UNC5A: variants seen among roughly 807,000 people sequenced by gnomAD.
UNC5A encodes the protein unc-5 netrin receptor A.
In UNC5A, 20 loss-of-function variants were observed where a neutral mutation model predicts 87.4. The observed-to-expected ratio is 0.23, with a 90% CI of 0.16 to 0.33. UNC5A has a LOEUF of 0.33. UNC5A is among the 10% of genes least tolerant of loss of function. The pLI, the probability that UNC5A is intolerant of heterozygous loss-of-function variation, is 1.00. For missense variants in UNC5A, 844 were observed against 1,133.4 expected, an observed-to-expected ratio of 0.74 and a Z score of 3.67; for synonymous variants, 438 against 482.3, an observed-to-expected ratio of 0.91 and a Z score of 1.20.
Position 176,810,671 on chromosome 5 carries a change from G to T in UNC5A, c.-80G>T, listed in dbSNP as rs1348259753. ...GGGCCCCGGGGGCGCCCCGAGCTGG[G>T]GCTCCGGGCTGAGGCGCTAAAGCCG... On this transcript the variant is annotated 5_prime_UTR_variant, in exon 1 of 15. Coordinates refer to ENST00000329542, the MANE Select transcript of UNC5A (RefSeq NM_133369.3). The surrounding 1 kb of genome is among the most constrained non-coding windows in gnomAD (Gnocchi z 7.3). 4.2e-6 allele frequency: 2 copies of T among 481,748 alleles called. No homozygotes were observed. The highest frequency in any genetic ancestry group is 5.4e-6 in the Non-Finnish European group (2 of 369,188). The allele number at this position is 481,748 out of a possible 1,614,324, so 29.8% of individuals were successfully genotyped here.
chr5:176,876,298 C>G (rs1232383271), intron 8 of UNC5A, among the ~76,000 whole-genome samples: 1 of 152,238 alleles, frequency 6.6e-6, no homozygotes, highest in Non-Finnish European at 1.5e-5. Context: ...ACTCTGCCCT[C>G]TCCGGTGAAA....
chr5:176,859,073 G>T (rs894173506), intron 1 of UNC5A, among the ~76,000 whole-genome samples: 2 of 150,942 alleles, frequency 1.3e-5, no homozygotes, highest in Admixed American at 6.6e-5. Flanking sequence ...CCCCACCCAT[G>T]CCCTTGCTAG....
chr5:176,856,130 A>G (rs1757662513), intron 1 of UNC5A, among the ~76,000 whole-genome samples: 1 of 151,362 alleles, frequency 6.6e-6, no homozygotes, highest in Non-Finnish European at 1.5e-5. Flanking sequence ...CTCAGTATAT[A>G]TGGGTTCATT....
intron 1 of UNC5A, among the ~76,000 whole-genome samples, chr5:176,840,015 C>G (rs1472225980): frequency 6.6e-6 from 1 of 151,794 alleles, no homozygotes; most frequent in African/African-American, 2.4e-5. Context: ...CGCCACCACG[C>G]CCTGCTAATT....
In UNC5A at chr5:176,880,260, C is replaced by T. The variant is rs1240822810; in HGVS notation, c.*374C>T. ...GCACACACTGGGCCTGGGCCAGGGCCCCAGAGCTCCTGCCTGAGCTGGACC... is the reference window on the plus strand; with the variant it reads ...GCACACACTGGGCCTGGGCCAGGGCTCCAGAGCTCCTGCCTGAGCTGGACC... On this transcript the variant is annotated 3_prime_UTR_variant, in exon 15 of 15. Coordinates refer to ENST00000329542, the MANE Select transcript of UNC5A (RefSeq NM_133369.3). The T allele has an allele frequency of 1.7e-5, 3 of 177,252 alleles. No homozygotes were observed. The highest frequency in any genetic ancestry group is 7.1e-5 in the African/African-American group (3 of 42,298). The allele number at this position is 177,252 out of a possible 1,614,324, so 11.0% of individuals were successfully genotyped here.
chr5:176,868,015 AAC>A, intron 2 of UNC5A, 113 bp from the exon 3 acceptor site: 1 of 864,200 alleles, frequency 1.2e-6, no homozygotes, highest in Non-Finnish European at 1.6e-6. Context: ...AAAAAAAAAA[AAC>A]AAAGTCCACT....
At chr5:176,855,709 G>A (rs974500191) in intron 1 of UNC5A, among the ~76,000 whole-genome samples, 7 of 152,354 alleles carry the variant, frequency 4.6e-5, no homozygotes, top group African/African-American at 1.4e-4. Flanking sequence ...CCCCATGCCC[G>A]GACATCCGAG....
intron 2 of UNC5A, among the ~76,000 whole-genome samples, chr5:176,864,330 C>G (rs144326083): frequency 2.0e-5 from 3 of 152,142 alleles, no homozygotes; most frequent in Non-Finnish European, 4.4e-5. Flanking sequence ...CAGGAGACTG[C>G]GCTAAGGGGC....
intron 3 of UNC5A, 100 bp downstream of exon 3, chr5:176,868,373 A>T (rs1758024999): frequency 6.4e-7 from 1 of 1,558,690 alleles, no homozygotes; most frequent in African/African-American, 1.4e-5. Flanking sequence ...CGGTCAGAAA[A>T]CCTCACAGCC....
rs1398497914 is a variant in UNC5A, at chr5:176,831,883, CTCTTTTTT to C, written c.70+21065_70+21072del. ...TTTCACTTTCACACACTTTCTCTCT[CTCTTTTTT>C]TTTTTTTTTTTTTTTTTTTTTTTGA... is the stretch of plus-strand genomic sequence containing the variant. On this transcript the variant is annotated intron_variant, in intron 1 of 14. Transcript: ENST00000329542. 2.2e-4 allele frequency among the ~76,000 whole-genome samples: 25 copies of C among 115,314 alleles called. 2 individuals carry two copies. The highest frequency in any genetic ancestry group is 4.0e-4 in the African/African-American group (11 of 27,294). The allele number at this position is 115,314 out of a possible 152,430, so 75.7% of individuals were successfully genotyped here.
In UNC5A at chr5:176,878,005, G is replaced by A. The variant is rs984025669; in HGVS notation, c.1747G>A (p.Glu583Lys). ...GCTGGGCCGCTTTGCCCTGGTGGGA[G>A]AGGCCCTCAGCGTGGCTGCCGCCAA... ...EQLGRFALVG[E>K]ALSVAAAKRL... Residue 583 changes from glutamate to lysine, a missense_variant, in exon 11 of 15, where the codon GAG (glutamate) becomes AAG (lysine). By Grantham distance (56) the Glu-to-Lys change is moderately conservative. This residue lies in a region of UNC5A where 353 missense variants were observed against 387.5 expected (regional missense o/e 0.91). Coordinates refer to ENST00000329542, the MANE Select transcript of UNC5A (RefSeq NM_133369.3). 11 of 1,606,946 alleles carry A rather than the reference G, an allele frequency of 6.8e-6. No homozygotes were observed. The highest frequency in any genetic ancestry group is 9.3e-6 in the Non-Finnish European group (11 of 1,179,948).
chr5:176,827,371 C>T (rs149981173), intron 1 of UNC5A, among the ~76,000 whole-genome samples: 3,070 of 151,940 alleles, frequency 0.02, 92 homozygotes, highest in African/African-American at 0.07. Context: ...TTAGTAGGGA[C>T]GGGGTTTCAC....
At chr5:176,857,134 C>T (rs1012994718) in intron 1 of UNC5A, among the ~76,000 whole-genome samples, 2 of 152,218 alleles carry the variant, frequency 1.3e-5, no homozygotes, top group African/African-American at 4.8e-5. Context: ...AAAGTCTGCC[C>T]CTTCTACCTT....
chr5:176,857,576 G>A (rs922953783), intron 1 of UNC5A, among the ~76,000 whole-genome samples: 28 of 152,122 alleles, frequency 1.8e-4, no homozygotes, highest in African/African-American at 6.8e-4. Context: ...TGCTATTCCT[G>A]AGAAGATGTG....
rs190709332 is a variant in UNC5A at position 176,862,985 on chromosome 5, T to C, written c.292+140T>C. The C allele has an allele frequency of 4.2e-6, 4 of 952,754 alleles. No homozygotes were observed. The East Asian group carries it at 1.0e-4, about 24-fold the overall frequency. The allele number at this position is 952,754 out of a possible 1,614,324, so 59.0% of individuals were successfully genotyped here. A position where few individuals can be genotyped will look rare whatever the true frequency, so the allele number is the denominator to read the frequency against. On this transcript the variant is annotated intron_variant, in intron 2 of 14. Transcript: ENST00000329542. ...CCAGAGGCCACAACCCTCAGCAGTT[T>C]GGGGAGAAGGAGGGGGAGAGAGGGG...
chr5:176,872,330 C>A (rs1180584319), intron 6 of UNC5A, among the ~76,000 whole-genome samples: 1 of 18,750 alleles, frequency 5.3e-5, no homozygotes, highest in Admixed American at 5.5e-4. Flanking sequence ...CCACAGCTTC[C>A]CATCTGTCCA....
chr5:176,822,183 G>A (rs1033946345), intron 1 of UNC5A, among the ~76,000 whole-genome samples: 1 of 152,264 alleles, frequency 6.6e-6, no homozygotes, highest in Non-Finnish European at 1.5e-5. Flanking sequence ...GCCTGATGCC[G>A]GCTCACAGTA....
Position 176,869,596 on chromosome 5 carries a change from C to A in UNC5A, c.721+632C>A. The A allele has an allele frequency of 1.4e-6, 1 of 696,986 alleles. No homozygotes were observed. Among genetic ancestry groups the A allele is most frequent in the Non-Finnish European group, 2.6e-6 (1 of 382,236 alleles). 43.2% of individuals were successfully genotyped at this position (696,986 alleles called of 1,614,324 possible). ...GACGCCCCCGCTCCCTGACCCCAGT[C>A]CTTCTCTGTCCGGCCAGTGAACGGT... is the stretch of plus-strand genomic sequence containing the variant. On this transcript the variant is annotated intron_variant, in intron 5 of 14. Coordinates refer to ENST00000329542, the MANE Select transcript of UNC5A (RefSeq NM_133369.3). This position sits in a 1 kb window ranked among gnomAD's most constrained non-coding sequence, Gnocchi z 9.1.
At chr5:176,821,828 C>T (rs505467) in intron 1 of UNC5A, among the ~76,000 whole-genome samples, 242 of 152,264 alleles carry the variant, frequency 1.6e-3, no homozygotes, top group African/African-American at 5.4e-3. Flanking sequence ...CCTGCAGGAC[C>T]TATTGACTTC....
Sources: gnomAD v4.1 joint callset for allele counts (sites outside exome capture counted in the v4.1 genomes callset) on GRCh38, gnomAD v4.1.1 for gene constraint, gnomAD v4.1.1 regional missense constraint, Gnocchi (gnomAD v3.1) non-coding constraint, MANE v1.5 for transcripts, NCBI Gene and HGNC (gene_info 2026-07-23, HGNC 2026-07-21) for gene names.